BEND7: variants seen among roughly 807,000 people sequenced by gnomAD.
BEND7 encodes the protein BEN domain containing 7, also known as BEN domain-containing protein 7.
A neutral mutation model predicts 50.9 loss-of-function variants in BEND7; 28 were observed. The observed-to-expected ratio is 0.55, with a 90% CI of 0.41 to 0.75. BEND7 has a LOEUF of 0.75. Ranked by LOEUF, BEND7 falls within the 30% of genes least tolerant of loss-of-function variation. The pLI is 0.00. For missense variants in BEND7, 477 were observed against 491.3 expected, an observed-to-expected ratio of 0.97 and a Z score of 0.28; for synonymous variants, 170 against 183.9, an observed-to-expected ratio of 0.92 and a Z score of 0.61.
At chr10:13,500,154 G>C in intron 2 of BEND7, 74 bp from the exon 3 acceptor site, 1 of 1,252,378 alleles carries the variant, frequency 8.0e-7, no homozygotes, top group Non-Finnish European at 1.1e-6. Flanking sequence ...AAAAAGAAGA[G>C]AAAGAAAAAC....
Position 13,528,503 on chromosome 10 carries a change from T to G in BEND7, c.31A>C (p.Lys11Gln). The G allele has an allele frequency of 9.6e-7, 1 of 1,040,206 alleles. No homozygotes were observed. The highest frequency in any genetic ancestry group is 1.2e-6 in the Non-Finnish European group (1 of 864,322). The allele number at this position is 1,040,206 out of a possible 1,614,324, so 64.4% of individuals were successfully genotyped here. A position where few individuals can be genotyped will look rare whatever the true frequency, so the allele number is the denominator to read the frequency against. The change falls in exon 1 of 9, where the codon AAA becomes CAA. Residue 11 changes from lysine (K) to glutamine (Q), a missense_variant. Physicochemically the swap from Lys to Gln is moderately conservative, Grantham distance 53 (BLOSUM62 1). Transcript: ENST00000466271. ...CTCACCAGTTTGAAGCTCTGGGATT[T>G]CCTGCTTCTTTTCCTCTCGGAGAAC... MEFSERKRSR[K>Q]SQSFKLVSRD...
intron 8 of BEND7, chr10:13,443,755 G>T (rs1250585821): frequency 6.6e-6 from 1 of 152,130 alleles, no homozygotes; most frequent in African/African-American, 2.4e-5. Flanking sequence ...ATGAAGATTT[G>T]CCATAGAGTG....
chr10:13,481,157 C>CAAAAAAAAA (rs2075826063), intron 5 of BEND7, 33 bp from the exon 6 acceptor site: 2 of 1,606,376 alleles, frequency 1.2e-6, no homozygotes, highest in African/African-American at 2.7e-5. Flanking sequence ...TCATTAAAAG[C>CAAAAAAAAA]AAGATTTGAA....
chr10:13,492,573 A>G (rs1456050933), intron 5 of BEND7, 38 bp downstream of exon 5: 2 of 1,605,396 alleles, frequency 1.2e-6, no homozygotes, highest in Non-Finnish European at 1.7e-6. Context: ...CAAAAGTTAC[A>G]TAGCATTAGA....
At chr10:13,488,676 A>G (rs973403567) in intron 5 of BEND7, among the ~76,000 whole-genome samples, 10 of 152,148 alleles carry the variant, frequency 6.6e-5, no homozygotes, top group Admixed American at 2.0e-4. Context: ...TTCAGTAGAG[A>G]CGGGGTTTCA....
intron 2 of BEND7, 38 bp downstream of exon 2, chr10:13,526,100 G>A (rs777468604): frequency 2.1e-5 from 23 of 1,107,156 alleles, no homozygotes; most frequent in Admixed American, 5.3e-5. Flanking sequence ...AAATGGTCAC[G>A]ATGTTTTGCT....
At chr10:13,497,494 T>C (rs569439389) in intron 3 of BEND7, among the ~76,000 whole-genome samples, 87 of 152,270 alleles carry the variant, frequency 5.7e-4, no homozygotes, top group Admixed American at 1.0e-3. Flanking sequence ...TTCGAGGGTA[T>C]TGGTGGGCTG....
At chr10:13,519,122 T>C (rs2078903276) in intron 2 of BEND7, among the ~76,000 whole-genome samples, 1 of 151,374 alleles carries the variant, frequency 6.6e-6, no homozygotes, top group Non-Finnish European at 1.5e-5. Context: ...AGGCATCACA[T>C]GGTAAGTGCC....
At chr10:13,456,180 A>G (rs973289006) in intron 6 of BEND7, among the ~76,000 whole-genome samples, 1 of 152,186 alleles carries the variant, frequency 6.6e-6, no homozygotes, top group Non-Finnish European at 1.5e-5. Context: ...AAAAAGGCTC[A>G]TGGGCTTGGA....
chr10:13,508,425 C>T (rs1261072527), intron 2 of BEND7, among the ~76,000 whole-genome samples: 1 of 152,170 alleles, frequency 6.6e-6, no homozygotes, highest in Non-Finnish European at 1.5e-5. Context: ...CCTGAAGCCG[C>T]CCTTGGAAGA....
intron 4 of BEND7, among the ~76,000 whole-genome samples, chr10:13,495,754 T>C (rs1308079576): frequency 6.6e-6 from 1 of 152,238 alleles, no homozygotes; most frequent in Non-Finnish European, 1.5e-5. Context: ...TTAAGCTTTT[T>C]ATATCAAAAC....
chr10:13,500,329 A>T (rs1288433807), intron 2 of BEND7, among the ~76,000 whole-genome samples: 4 of 152,152 alleles, frequency 2.6e-5, no homozygotes, highest in Non-Finnish European at 5.9e-5. Context: ...GTTTCTTGAG[A>T]GTGTGTCATC....
At chr10:13,485,161 AAAG>A (rs1314389338) in intron 5 of BEND7, among the ~76,000 whole-genome samples, 2 of 152,158 alleles carry the variant, frequency 1.3e-5, no homozygotes, top group Non-Finnish European at 2.9e-5. Context: ...TGTATAATCG[AAAG>A]AATACAAAGT....
intron 2 of BEND7, among the ~76,000 whole-genome samples, chr10:13,519,941 G>A (rs2078970211): frequency 6.6e-6 from 1 of 152,180 alleles, no homozygotes; most frequent in Non-Finnish European, 1.5e-5. Flanking sequence ...GGAATGATGT[G>A]ATCAGTTTGA....
chr10:13,471,784 G>T (rs1005120438), intron 6 of BEND7, among the ~76,000 whole-genome samples: 14 of 152,258 alleles, frequency 9.2e-5, no homozygotes, highest in Non-Finnish European at 1.9e-4. Context: ...CCAGGTGCTT[G>T]ACAGAAACAG....
chr10:13,441,719 A>G lies in BEND7; in HGVS notation c.*24T>C, dbSNP rs1835352984. The G allele has an allele frequency of 1.2e-6, 2 of 1,613,796 alleles. No homozygotes were observed. Among genetic ancestry groups the G allele is most frequent in the East Asian group, 2.2e-5 (1 of 44,878 alleles). The stretch of plus-strand genomic sequence containing the variant: ...TAAAACCCATGGTGCAAAAAACACA[A>G]GAGCTGTGGTTTGCAGTCCTTCATC... On this transcript the variant is annotated 3_prime_UTR_variant, in exon 9 of 9. Transcript: ENST00000466271.
chr10:13,455,363 G>C (rs1016741901), intron 6 of BEND7, among the ~76,000 whole-genome samples: 66 of 152,174 alleles, frequency 4.3e-4, no homozygotes, highest in Middle Eastern at 6.8e-3. Context: ...GGAGGGGTGG[G>C]GAGAGTGGAG....
chr10:13,470,876 G>GC (rs2074752002), intron 6 of BEND7, among the ~76,000 whole-genome samples: 1 of 152,242 alleles, frequency 6.6e-6, no homozygotes, highest in African/African-American at 2.4e-5. Flanking sequence ...AGGTAAACAA[G>GC]TTGCTGAGGA....
At chr10:13,445,899 C>T (rs1324074506) in intron 8 of BEND7, 1 of 152,186 alleles carries the variant, frequency 6.6e-6, no homozygotes, top group African/African-American at 2.4e-5. Context: ...TGGTGCTCCC[C>T]TGAAGGGCCT....
Sources: gnomAD v4.1 joint callset for allele counts (sites outside exome capture counted in the v4.1 genomes callset) on GRCh38, gnomAD v4.1.1 for gene constraint, MANE v1.5 for transcripts, NCBI Gene and HGNC (gene_info 2026-07-23, HGNC 2026-07-21) for gene names.